PRAMEF12: variants seen among roughly 807,000 people sequenced by gnomAD.
PRAMEF12 encodes PRAME family member 12.
In PRAMEF12, 24 loss-of-function variants were observed where a neutral mutation model predicts 24.6. The observed-to-expected ratio is 0.98, with a 90% confidence interval of 0.71 to 1.37. The LOEUF is 1.37. Ranked by LOEUF, PRAMEF12 falls within the 40% of genes most tolerant of loss-of-function variation. PRAMEF12 has a pLI of 0.00. For missense variants in PRAMEF12, 646 were observed against 580.3 expected (o/e 1.11, Z -1.16); for synonymous variants, 286 against 242.6 (o/e 1.18, Z -1.66).
chr1:12,777,542 T>C lies in PRAMEF12; in HGVS notation c.1395T>C (p.Tyr465=), dbSNP rs375655128. Residue 465 remains tyrosine (Y), a synonymous_variant, in exon 3 of 3, where the codon TAT becomes TAC. Coordinates refer to ENST00000357726, the MANE Select transcript of PRAMEF12 (RefSeq NM_001080830.5). ...CTCGCTGTGGCATCAGGGCCTCCTATGACCTGGAGCCCAGTCACTGTCTGT... is the reference window on the plus strand; with the variant it reads ...CTCGCTGTGGCATCAGGGCCTCCTACGACCTGGAGCCCAGTCACTGTCTGT... ...PCPRCGIRAS[Y]DLEPSHCLLN... is the part of the protein sequence containing the mutation. 336 of 1,613,980 alleles carry C rather than the reference T, an allele frequency of 2.1e-4. No homozygotes were observed. The highest frequency in any genetic ancestry group is 2.7e-4 in the Non-Finnish European group (319 of 1,180,028).
rs771954778 is a variant in PRAMEF12 at position 12,775,910 on chromosome 1, C to A, written c.655C>A (p.Leu219Ile). 1.9e-6 allele frequency: 3 copies of A among 1,614,122 alleles called. No homozygotes were observed. The Admixed American group carries it at 5.0e-5, about 27-fold the overall frequency. Residue 219 changes from leucine to isoleucine, a missense_variant, in exon 2 of 3, where the codon CTT becomes ATT. Leu to Ile is a conservative substitution (Grantham distance 5). Transcript: ENST00000357726. The stretch of plus-strand genomic sequence containing the variant: ...GTGCTGCCCGTGGGAGCTGTCCATT[C>A]TTATAAGGTTCGCCCCTTACCTGGG... ...EVCCPWELSI[L>I]IRFAPYLGQM...
chr1:12,775,420 G>T, intron 1 of PRAMEF12, 123 bp from the exon 2 acceptor site: 1 of 1,080,460 alleles, frequency 9.3e-7, no homozygotes, highest in Non-Finnish European at 1.4e-6. Flanking sequence ...CAAGGAGAAA[G>T]AGGGATGGAG....
rs753242708 is a variant in PRAMEF12 at position 12,775,079 on chromosome 1, A to T, written c.212A>T (p.Lys71Met). Residue 71 changes from lysine (K) to methionine (M), a missense_variant, in exon 1 of 3, where the codon AAG becomes ATG. Coordinates refer to ENST00000357726, the MANE Select transcript of PRAMEF12 (RefSeq NM_001080830.5). The part of the protein sequence containing the change: ...FTCLPLGSLM[K>M]SCNLEIFRAV... ...TGCCTTCCTCTAGGGTCCCTGATGAAGTCATGTAATCTAGAGATCTTTCGA... is the reference window on the plus strand; with the variant it reads ...TGCCTTCCTCTAGGGTCCCTGATGATGTCATGTAATCTAGAGATCTTTCGA... The T allele has an allele frequency of 6.2e-7, 1 of 1,614,192 alleles. No individual in the cohort carries two copies. Among genetic ancestry groups the T allele is most frequent in the Non-Finnish European group, 8.5e-7 (1 of 1,180,018 alleles).
chr1:12,774,751 ATT>A lies in PRAMEF12; in HGVS notation c.-116_-115del. ...TTGTGTCCAGAAAGTGCAGAGTGGA[ATT>A]GGGGTGAACTAATTACCTTTCCACC... On this transcript the variant is annotated 5_prime_UTR_variant, in exon 1 of 3. It removes the in-frame stop codon of an upstream open reading frame in the 5' UTR. Transcript: ENST00000357726. 1 of 967,818 alleles carries A rather than the reference ATT, an allele frequency of 1.0e-6. No individual in the cohort carries two copies. The highest frequency in any genetic ancestry group is 1.5e-6 in the Non-Finnish European group (1 of 649,640). 60.0% of individuals were successfully genotyped at this position (967,818 alleles called of 1,614,324 possible). A position where few individuals can be genotyped will look rare whatever the true frequency, so the allele number is the denominator to read the frequency against.
At position 12,774,865 on chromosome 1, in the gene PRAMEF12, A is replaced by C. The variant is rs764885957; in HGVS notation, c.-3A>C. 2 of 1,584,590 alleles carry C rather than the reference A, an allele frequency of 1.3e-6. No homozygotes were observed. Among genetic ancestry groups the C allele is most frequent in the Admixed American group, 3.7e-5 (2 of 53,482 alleles). On this transcript the variant is annotated 5_prime_UTR_variant, in exon 1 of 3. Transcript: ENST00000357726. ...TGATGTTTTTTTCTCTAGATTCATC[A>C]GGATGAGCCTCCAGGCCCCACCTAG...
rs1232325682 is a variant in PRAMEF12, at chr1:12,777,520, G to A, written c.1373G>A (p.Arg458His). 10 of 1,613,972 alleles carry A rather than the reference G, an allele frequency of 6.2e-6. No homozygotes were observed. The highest frequency in any genetic ancestry group is 2.2e-5 in the South Asian group (2 of 91,084). The change falls in exon 3 of 3, where the codon CGC becomes CAC. Residue 458 changes from arginine (R) to histidine (H), a missense_variant. Arg to His is a conservative substitution (Grantham distance 29, BLOSUM62 0). Transcript: ENST00000357726. ...GTGTTCAGCACTGTCCCCTGCCCTC[G>A]CTGTGGCATCAGGGCCTCCTATGAC... is the stretch of plus-strand genomic sequence containing the variant. Reference protein sequence around the residue: ...IIVFSTVPCPRCGIRASYDLE... With the variant: ...IIVFSTVPCPHCGIRASYDLE...
At position 12,775,592 on chromosome 1, in the gene PRAMEF12, T is replaced by A; in HGVS notation, c.337T>A (p.Trp113Arg). Residue 113 changes from tryptophan (W) to arginine (R), a missense_variant, in exon 2 of 3, where the codon TGG (tryptophan) becomes AGG (arginine). Coordinates refer to ENST00000357726, the MANE Select transcript of PRAMEF12 (RefSeq NM_001080830.5). ...CTTGCGGAATGTGGATGAGAACTTCTGGGGCATATGGTCTGGAGCTTCTGC... is the reference window on the plus strand; with the variant it reads ...CTTGCGGAATGTGGATGAGAACTTCAGGGGCATATGGTCTGGAGCTTCTGC... ...LDLRNVDENFWGIWSGASALS... is the reference protein window; with the variant it reads ...LDLRNVDENFRGIWSGASALS... The A allele has an allele frequency of 6.2e-7, 1 of 1,613,812 alleles. No homozygotes were observed. Among genetic ancestry groups the A allele is most frequent in the Admixed American group, 1.7e-5 (1 of 60,004 alleles).
At position 12,777,627 on chromosome 1, in the gene PRAMEF12, A is replaced by G. The variant is rs1425304711; in HGVS notation, c.*28A>G. 6.2e-7 allele frequency: 1 copy of G among 1,611,790 alleles called. No homozygotes were observed. The highest frequency in any genetic ancestry group is 1.3e-5 in the African/African-American group (1 of 74,964). Reference sequence around the variant, plus strand: ...CTTTCTTCTGGTCATTTGGCAACTGAATCCTAGGCCATGAGTGTATGTCAA... The same window carrying G: ...CTTTCTTCTGGTCATTTGGCAACTGGATCCTAGGCCATGAGTGTATGTCAA... On this transcript the variant is annotated 3_prime_UTR_variant, in exon 3 of 3. Transcript: ENST00000357726.
intron 1 of PRAMEF12, 117 bp from the exon 2 acceptor site, chr1:12,775,426 T>G: frequency 9.1e-7 from 1 of 1,096,258 alleles, no homozygotes. Flanking sequence ...GAAAGAGGGA[T>G]GGAGAAAAGA....
chr1:12,774,790 A>G lies in PRAMEF12; in HGVS notation c.-78A>G. ...ATTACCTTTCCACCTCTACCAGAGC[A>G]ATGACATTGGCACTAGGAGATGATG... On this transcript the variant is annotated 5_prime_UTR_variant, in exon 1 of 3. Coordinates refer to ENST00000357726, the MANE Select transcript of PRAMEF12 (RefSeq NM_001080830.5). 4 of 1,388,542 alleles carry G rather than the reference A, an allele frequency of 2.9e-6. No individual in the cohort carries two copies. The highest frequency in any genetic ancestry group is 3.9e-6 in the Non-Finnish European group (4 of 1,016,440). 86.0% of individuals were successfully genotyped at this position (1,388,542 alleles called of 1,614,324 possible).
Position 12,777,005 on chromosome 1 carries a change from T to C in PRAMEF12, c.864-6T>C. The C allele has an allele frequency of 6.2e-7, 1 of 1,608,532 alleles. No individual in the cohort carries two copies. Among genetic ancestry groups the C allele is most frequent in the Non-Finnish European group, 8.5e-7 (1 of 1,177,106 alleles). ...TCTCCTCTAACTCCTTCTTGTTCTC[T>C]CCCAGGTGTCTCCAGGCCCCCTTGG... On this transcript the variant is annotated splice_region_variant and splice_polypyrimidine_tract_variant and intron_variant, in intron 2 of 2. Transcript: ENST00000357726.
Position 12,774,165 on chromosome 1 carries a change from T to C in PRAMEF12, c.-703T>C, listed in dbSNP as rs1557588318. On this transcript the variant is annotated 5_prime_UTR_variant, in exon 1 of 3. An upstream start codon of the reference 5' UTR is lost. Coordinates refer to ENST00000357726, the MANE Select transcript of PRAMEF12 (RefSeq NM_001080830.5). ...GACTTGGTGGCATCGTGATTTTACA[T>C]GTTAGGCCTTAGTTTTTACTAATAC... Among the ~76,000 whole-genome samples the C allele has an allele frequency of 6.6e-6, 1 of 152,194 alleles. No individual in the cohort carries two copies. Among genetic ancestry groups the C allele is most frequent in the Non-Finnish European group, 1.5e-5 (1 of 68,040 alleles).
In PRAMEF12 at chr1:12,774,428, C is replaced by T. The variant is rs1003522059; in HGVS notation, c.-440C>T. On this transcript the variant is annotated 5_prime_UTR_variant, in exon 1 of 3. Transcript: ENST00000357726. ...AATTTTTCAAAATAAAAAATAATGG[C>T]GCTGATTCCAAGGAGTCCCTTTAGT... is the stretch of plus-strand genomic sequence containing the variant. 7.9e-5 allele frequency among the ~76,000 whole-genome samples: 12 copies of T among 152,158 alleles called. No homozygotes were observed. The highest frequency in any genetic ancestry group is 2.1e-4 in the South Asian group (1 of 4,830).
Position 12,775,851 on chromosome 1 carries a change from C to T in PRAMEF12, c.596C>T (p.Thr199Met), listed in dbSNP as rs145223711. The T allele has an allele frequency of 2.8e-3, 4,515 of 1,614,048 alleles. 11 individuals are homozygous for T. Among genetic ancestry groups the T allele is most frequent in the Non-Finnish European group, 3.5e-3 (4,100 of 1,180,004 alleles). ...AIHRIIEVLN[T>M]VELDCIQEVE... ...CACAGGATCATAGAGGTCCTGAACACGGTGGAGCTAGACTGTATCCAGGAG... is the reference window on the plus strand; with the variant it reads ...CACAGGATCATAGAGGTCCTGAACATGGTGGAGCTAGACTGTATCCAGGAG... Residue 199 changes from threonine to methionine, a missense_variant, in exon 2 of 3, where the codon ACG (threonine) becomes ATG (methionine). Thr to Met is a moderately conservative substitution (Grantham distance 81, BLOSUM62 -1). Transcript: ENST00000357726.
Position 12,775,660 on chromosome 1 carries a change from C to A in PRAMEF12, c.405C>A (p.Asn135Lys), listed in dbSNP as rs1277153243. 5.6e-6 allele frequency: 9 copies of A among 1,614,004 alleles called. No homozygotes were observed. The highest frequency in any genetic ancestry group is 7.6e-6 in the Non-Finnish European group (9 of 1,180,006). Residue 135 changes from asparagine to lysine, a missense_variant, in exon 2 of 3, where the codon AAC (asparagine) becomes AAA (lysine). Asn to Lys is a moderately conservative substitution (Grantham distance 94). Coordinates refer to ENST00000357726, the MANE Select transcript of PRAMEF12 (RefSeq NM_001080830.5). Reference protein sequence around the residue: ...EALSKRRTAGNCPRPGGQQPL... With the variant: ...EALSKRRTAGKCPRPGGQQPL... ...TGAGTAAGAGACGAACAGCAGGGAA[C>A]TGTCCAAGGCCGGGTGGGCAGCAGC...
Position 12,775,864 on chromosome 1 carries a change from CTG to C in PRAMEF12, c.611_612del (p.Cys204TyrfsTer133). 1.9e-6 allele frequency: 3 copies of C among 1,614,094 alleles called. No individual in the cohort carries two copies. Among genetic ancestry groups the C allele is most frequent in the Non-Finnish European group, 2.5e-6 (3 of 1,180,020 alleles). On this transcript the variant is annotated frameshift_variant, in exon 2 of 3. Coordinates refer to ENST00000357726, the MANE Select transcript of PRAMEF12 (RefSeq NM_001080830.5). LOFTEE classifies it high-confidence loss of function. Reference protein sequence around the residue: ...IEVLNTVELDCIQEVEVCCPW... With the variant: ...IEVLNTVELDXIQEVEVCCPW... ...AGGTCCTGAACACGGTGGAGCTAGA[CTG>C]TATCCAGGAGGTGGAAGTGTGCTGC...
chr1:12,777,858 C>A lies in PRAMEF12; in HGVS notation c.*259C>A. The A allele has an allele frequency of 2.0e-6, 1 of 498,150 alleles. No homozygotes were observed. Among genetic ancestry groups the A allele is most frequent in the South Asian group, 2.6e-5 (1 of 38,530 alleles). The allele number at this position is 498,150 out of a possible 1,614,324, so 30.9% of individuals were successfully genotyped here. ...GACACATGAGACAGTTACCCCTGCA[C>A]GGATGGTTGTAAAGAAACAGTCAGA... On this transcript the variant is annotated 3_prime_UTR_variant, in exon 3 of 3. Transcript: ENST00000357726.
Position 12,777,081 on chromosome 1 carries a change from C to G in PRAMEF12, c.934C>G (p.Leu312Val), listed in dbSNP as rs753675336. 2 of 1,613,962 alleles carry G rather than the reference C, an allele frequency of 1.2e-6. No individual in the cohort carries two copies. The highest frequency in any genetic ancestry group is 1.3e-5 in the African/African-American group (1 of 74,884). The change falls in exon 3 of 3, where the codon CTC (leucine) becomes GTC (valine). Residue 312 changes from leucine to valine, a missense_variant. Coordinates refer to ENST00000357726, the MANE Select transcript of PRAMEF12 (RefSeq NM_001080830.5). ...GCTGTCAGAGTCGGACCTGAAGCAT[C>G]TCTCTTGGTGCCCGAGCATCCGTCA... ...CLLSESDLKH[L>V]SWCPSIRQLK...
chr1:12,776,186 G>C, intron 2 of PRAMEF12, 68 bp downstream of exon 2: 2 of 1,497,486 alleles, frequency 1.3e-6, no homozygotes, highest in Non-Finnish European at 1.9e-6. Flanking sequence ...GTAAACACCA[G>C]GGGGTATCTA....
Sources: allele counts gnomAD v4.1 joint callset (sites outside exome capture counted in the v4.1 genomes callset), GRCh38; gene constraint gnomAD v4.1.1; transcripts MANE v1.5; gene names NCBI Gene and HGNC (gene_info 2026-07-23, HGNC 2026-07-21).